Variants in PDE1C observed in about 807,000 individuals in gnomAD.
PDE1C encodes dual specificity calcium/calmodulin-dependent 3',5'-cyclic nucleotide phosphodiesterase 1C.
A neutral mutation model predicts 93.1 loss-of-function variants in PDE1C; 62 were observed. That is an observed-to-expected ratio of 0.67 (90% confidence interval 0.54 to 0.82). The LOEUF is 0.82. Among genes scored for constraint, PDE1C ranks in the 40% least tolerant of loss-of-function variants. PDE1C has a pLI of 0.00. For missense variants in PDE1C, 742 were observed against 884.6 expected, an observed-to-expected ratio of 0.84 and a Z score of 2.04; for synonymous variants, 325 against 310.1, an observed-to-expected ratio of 1.05 and a Z score of -0.50.
chr7:31,800,397 T>C (rs1785857097), intron 16 of PDE1C, among the ~76,000 whole-genome samples: 1 of 151,630 alleles, frequency 6.6e-6, no homozygotes, highest in Non-Finnish European at 1.5e-5. Flanking sequence ...AGCTTTATGA[T>C]AAATTTTGAG....
chr7:32,093,799 GC>G (rs1173065756), intron 3 of PDE1C, among the ~76,000 whole-genome samples: 2 of 152,238 alleles, frequency 1.3e-5, no homozygotes, highest in Non-Finnish European at 2.9e-5. Context: ...TGTGCCAGGG[GC>G]CAGAACCCCT....
At chr7:32,081,043 A>C (rs1796636038) in intron 3 of PDE1C, among the ~76,000 whole-genome samples, 1 of 152,228 alleles carries the variant, frequency 6.6e-6, no homozygotes, top group Admixed American at 6.5e-5. Context: ...ATTAACATGG[A>C]AAGCCAATCT....
chr7:31,842,949 T>C (rs1792103313), intron 9 of PDE1C, among the ~76,000 whole-genome samples: 1 of 151,966 alleles, frequency 6.6e-6, no homozygotes, highest in Non-Finnish European at 1.5e-5. Flanking sequence ...TCTTGATAAA[T>C]TTGAAATGTT....
In PDE1C at chr7:31,837,309, C is replaced by G. The variant is rs562161625; in HGVS notation, c.1083-9G>C. The G allele has an allele frequency of 8.1e-6, 13 of 1,600,038 alleles. No homozygotes were observed. In the African/African-American group the frequency reaches 1.3e-4, roughly 17 times the overall value. On this transcript the variant is annotated splice_polypyrimidine_tract_variant and intron_variant, in intron 10 of 17. Coordinates refer to ENST00000396191, the MANE Select transcript of PDE1C (RefSeq NM_001191057.4). ...CTTTTGGCTTTTCAATGCTGTAAACCAAAAGCACCCAAACACATGATAACC... is the reference window on the plus strand; with the variant it reads ...CTTTTGGCTTTTCAATGCTGTAAACGAAAAGCACCCAAACACATGATAACC...
intron 1 of PDE1C, among the ~76,000 whole-genome samples, chr7:32,068,013 C>T (rs1025449574): frequency 6.6e-6 from 1 of 152,148 alleles, no homozygotes; most frequent in Non-Finnish European, 1.5e-5. Context: ...GATGCGATAA[C>T]ATTGAATAAT....
At chr7:31,922,069 A>C (rs1399029893) in intron 2 of PDE1C, among the ~76,000 whole-genome samples, 1 of 152,064 alleles carries the variant, frequency 6.6e-6, no homozygotes, top group Non-Finnish European at 1.5e-5. Flanking sequence ...TCCAAAACTC[A>C]CCTCTTAAAC....
At chr7:32,043,272 T>C (rs543329532) in intron 2 of PDE1C, among the ~76,000 whole-genome samples, 2 of 152,312 alleles carry the variant, frequency 1.3e-5, no homozygotes, top group South Asian at 2.1e-4. Flanking sequence ...CTGCTGGAAG[T>C]TGAACTTGGC....
chr7:31,818,664 G>A (rs1004516144), intron 14 of PDE1C, among the ~76,000 whole-genome samples: 6 of 152,018 alleles, frequency 3.9e-5, no homozygotes, highest in Non-Finnish European at 2.9e-5. Context: ...CAATAACGTA[G>A]GTGAGTAAAA....
At chr7:31,772,878 A>G (rs1168137933) in intron 17 of PDE1C, among the ~76,000 whole-genome samples, 1 of 152,214 alleles carries the variant, frequency 6.6e-6, no homozygotes, top group Non-Finnish European at 1.5e-5. Flanking sequence ...TTCTACAGCT[A>G]TGAGATGGTA....
rs151331617 is a variant in PDE1C, at chr7:31,927,309, G to C, written c.129-46449C>G. On this transcript the variant is annotated intron_variant, in intron 2 of 17. Transcript: ENST00000396191. ...CGGCAGCCTCAGTCAGGGGCTTATA[G>C]ATAAAACTCCCATCTCCCTGGGACA... Among the ~76,000 whole-genome samples the C allele has an allele frequency of 5.5e-3, 836 of 152,306 alleles. 5 individuals carry two copies. Among genetic ancestry groups the C allele is most frequent in the African/African-American group, 0.019 (806 of 41,554 alleles).
At position 31,828,331 on chromosome 7, in the gene PDE1C, A is replaced by T; in HGVS notation, c.1246T>A (p.Cys416Ser). 2 of 1,612,790 alleles carry T rather than the reference A, an allele frequency of 1.2e-6. No homozygotes were observed. The highest frequency in any genetic ancestry group is 3.3e-5 in the Admixed American group (2 of 59,942). ...GCAACCATAGTGGACTTTCGGTCACACAGAGGAGAAAAAGGCAGCCCCAGC... is the reference window on the plus strand; with the variant it reads ...GCAACCATAGTGGACTTTCGGTCACTCAGAGGAGAAAAAGGCAGCCCCAGC... ...AELGLPFSPL[C>S]DRKSTMVAQS... Residue 416 changes from cysteine (C) to serine (S), a missense_variant, in exon 12 of 18, where the codon TGT becomes AGT. By Grantham distance (112) the Cys-to-Ser change is moderately radical. Coordinates refer to ENST00000396191, the MANE Select transcript of PDE1C (RefSeq NM_001191057.4).
chr7:31,988,791 T>C (rs548859673), intron 2 of PDE1C, among the ~76,000 whole-genome samples: 7 of 152,080 alleles, frequency 4.6e-5, no homozygotes, highest in African/African-American at 1.2e-4. Context: ...GGTCAGGAGA[T>C]TGAGACCATC....
intron 3 of PDE1C, among the ~76,000 whole-genome samples, chr7:32,104,922 G>C (rs968972312): frequency 2.0e-5 from 3 of 152,176 alleles, no homozygotes; most frequent in Non-Finnish European, 4.4e-5. Flanking sequence ...TTTGAGATCT[G>C]AACTCAATTT....
chr7:32,171,940 T>C (rs1392490040), intron 2 of PDE1C, among the ~76,000 whole-genome samples: 1 of 147,464 alleles, frequency 6.8e-6, no homozygotes, highest in Non-Finnish European at 1.5e-5. Context: ...AGGTAAGAGG[T>C]TAATAATACA....
chr7:31,939,187 A>C (rs555626518), intron 2 of PDE1C, among the ~76,000 whole-genome samples: 7 of 152,290 alleles, frequency 4.6e-5, no homozygotes, highest in African/African-American at 1.7e-4. Context: ...CATGTAGAAG[A>C]ATCTCTCTGT....
chr7:32,350,236 T>G (rs1366234132), intron 1 of PDE1C, among the ~76,000 whole-genome samples: 1 of 152,190 alleles, frequency 6.6e-6, no homozygotes, highest in Non-Finnish European at 1.5e-5. Flanking sequence ...CACAGCCAAT[T>G]GTGTCCTTTC....
intron 1 of PDE1C, among the ~76,000 whole-genome samples, chr7:32,279,732 T>C (rs576390408): frequency 6.6e-6 from 1 of 152,146 alleles, no homozygotes; most frequent in East Asian, 1.9e-4. Context: ...GCAAATATAA[T>C]AATTATAACA....
chr7:31,628,233 C>T, the PDE1C span, among the ~76,000 whole-genome samples: 2 of 152,116 alleles, frequency 1.3e-5, no homozygotes, highest in South Asian at 4.1e-4. Flanking sequence ...CTACTCCTAC[C>T]GGTGCCTCCC....
At chr7:31,979,379 G>T (rs10250761) in intron 2 of PDE1C, among the ~76,000 whole-genome samples, 19,062 of 152,144 alleles carry the variant, frequency 0.13, 2,015 homozygotes, top group East Asian at 0.29. Flanking sequence ...GAGGTTATAA[G>T]AATTAAATAA....
Sources: gnomAD v4.1 joint callset for allele counts (sites outside exome capture counted in the v4.1 genomes callset) on GRCh38, gnomAD v4.1.1 for gene constraint, MANE v1.5 for transcripts, NCBI Gene and HGNC (gene_info 2026-07-23, HGNC 2026-07-21) for gene names.